Variants in ARHGAP44 observed in about 807,000 individuals in gnomAD.
The protein encoded by ARHGAP44 is Rho GTPase activating protein 44, also known as rho GTPase-activating protein 44.
ARHGAP44 carries 43 observed loss-of-function variants against 106.8 expected under a neutral mutation model. The observed-to-expected ratio is 0.40, with a 90% CI of 0.32 to 0.52. The LOEUF is 0.52. Among genes scored for constraint, ARHGAP44 ranks in the 20% least tolerant of loss-of-function variants. The pLI, the probability that ARHGAP44 is intolerant of heterozygous loss-of-function variation, is 0.48. For missense variants in ARHGAP44, 866 were observed against 1,050.5 expected (o/e 0.82, Z 2.43); for synonymous variants, 439 against 410.3 (o/e 1.07, Z -0.85).
intron 1 of ARHGAP44, among the ~76,000 whole-genome samples, chr17:12,795,186 G>A (rs916473551): frequency 7.9e-5 from 12 of 152,234 alleles, no homozygotes; most frequent in Non-Finnish European, 1.5e-4. Context: ...ATGGGTCTCA[G>A]AGCAAAGTTT....
intron 1 of ARHGAP44, among the ~76,000 whole-genome samples, chr17:12,801,800 G>A (rs1348960201): frequency 1.3e-5 from 2 of 152,032 alleles, no homozygotes; most frequent in African/African-American, 4.8e-5. Context: ...TGTTATCTCT[G>A]GGCAGGATTA....
At chr17:12,791,145 T>C (rs1037246189) in intron 1 of ARHGAP44, among the ~76,000 whole-genome samples, 5 of 152,162 alleles carry the variant, frequency 3.3e-5, no homozygotes, top group African/African-American at 1.2e-4. Context: ...TGGCTTCTTA[T>C]GCTTCCAGGG....
chr17:12,844,328 C>A (rs9911525), intron 1 of ARHGAP44, among the ~76,000 whole-genome samples: 30,386 of 151,994 alleles, frequency 0.2, 4,063 homozygotes, highest in African/African-American at 0.37. Context: ...CATAACATGG[C>A]GGAAGGGGAA....
At chr17:12,795,124 GCA>G (rs1286572871) in intron 1 of ARHGAP44, among the ~76,000 whole-genome samples, 6 of 152,334 alleles carry the variant, frequency 3.9e-5, no homozygotes, top group African/African-American at 1.4e-4. Flanking sequence ...TGTTAGCCCA[GCA>G]GGGCTGGGCG....
chr17:12,864,310 A>G (rs1370838474), intron 1 of ARHGAP44, among the ~76,000 whole-genome samples: 1 of 152,118 alleles, frequency 6.6e-6, no homozygotes, highest in East Asian at 1.9e-4. Flanking sequence ...TTCTTTGGCA[A>G]CTGGTGTGAA....
At position 12,789,731 on chromosome 17, in the gene ARHGAP44, G is replaced by T; in HGVS notation, c.-108G>T. On this transcript the variant is annotated 5_prime_UTR_variant, in exon 1 of 21. Transcript: ENST00000379672. ...CGGCGCCCGGAGGCTCCGCAGTGCC[G>T]CCGCCGTCGCCCGGGAGGCTCCGCG... 9.2e-7 allele frequency: 1 copy of T among 1,090,256 alleles called. No individual in the cohort carries two copies. The highest frequency in any genetic ancestry group is 1.2e-6 in the Non-Finnish European group (1 of 829,908). 67.5% of individuals were successfully genotyped at this position (1,090,256 alleles called of 1,614,324 possible). A position where few individuals can be genotyped will look rare whatever the true frequency, so the allele number is the denominator to read the frequency against.
chr17:12,796,466 A>G (rs1311338135), intron 1 of ARHGAP44, among the ~76,000 whole-genome samples: 2 of 152,176 alleles, frequency 1.3e-5, no homozygotes, highest in Non-Finnish European at 2.9e-5. Context: ...CATACACACT[A>G]CTTTCACTGC....
intron 1 of ARHGAP44, among the ~76,000 whole-genome samples, chr17:12,851,050 C>T (rs776476724): frequency 2.6e-5 from 4 of 152,200 alleles, no homozygotes; most frequent in Admixed American, 1.3e-4. Context: ...CTGTAGAGTC[C>T]GTTTCAGCTT....
At chr17:12,938,393 C>T (rs984609561) in intron 7 of ARHGAP44, among the ~76,000 whole-genome samples, 9 of 151,962 alleles carry the variant, frequency 5.9e-5, no homozygotes, top group African/African-American at 2.2e-4. Context: ...TCTTAAAATA[C>T]ATTATACAGT....
chr17:12,943,881 A>G (rs150398574), intron 9 of ARHGAP44, among the ~76,000 whole-genome samples, 188 bp from the exon 10 acceptor site: 35 of 152,154 alleles, frequency 2.3e-4, no homozygotes, highest in African/African-American at 7.7e-4. Flanking sequence ...CCTGGACGCA[A>G]TTGGCTGGCC....
At chr17:12,837,710 T>TA in intron 1 of ARHGAP44, among the ~76,000 whole-genome samples, 2 of 152,004 alleles carry the variant, frequency 1.3e-5, no homozygotes, top group South Asian at 4.2e-4. Context: ...TTCTGGGAGA[T>TA]ACATGGAGAA....
At chr17:12,818,131 T>G (rs1372087532) in intron 1 of ARHGAP44, among the ~76,000 whole-genome samples, 1 of 151,830 alleles carries the variant, frequency 6.6e-6, no homozygotes, top group Non-Finnish European at 1.5e-5. Context: ...GTAAAAAATA[T>G]AAAACATTAT....
chr17:12,940,902 T>C (rs1360496070), intron 7 of ARHGAP44, among the ~76,000 whole-genome samples, 154 bp from the exon 8 acceptor site: 4 of 152,210 alleles, frequency 2.6e-5, no homozygotes, highest in Non-Finnish European at 5.9e-5. Flanking sequence ...TTGACAAATA[T>C]GCAAATGCCC....
At chr17:12,841,574 C>CATGT (rs2035392612) in intron 1 of ARHGAP44, among the ~76,000 whole-genome samples, 1 of 108,182 alleles carries the variant, frequency 9.2e-6, no homozygotes. Flanking sequence ...AGAGTGAGAC[C>CATGT]CTGTCTCTCT....
At chr17:12,916,127 G>A in intron 5 of ARHGAP44, 116 bp downstream of exon 5, 2 of 817,216 alleles carry the variant, frequency 2.4e-6, no homozygotes. Context: ...CCCCAACATT[G>A]TTTTTCATCA....
chr17:12,932,686 T>C (rs1486959600), intron 7 of ARHGAP44, among the ~76,000 whole-genome samples: 2 of 151,958 alleles, frequency 1.3e-5, no homozygotes, highest in Non-Finnish European at 2.9e-5. Context: ...TTGTATATGA[T>C]GTGAGGTAGG....
chr17:12,812,808 C>G (rs1290694119), intron 1 of ARHGAP44, among the ~76,000 whole-genome samples: 2 of 152,194 alleles, frequency 1.3e-5, no homozygotes, highest in Non-Finnish European at 2.9e-5. Context: ...AATGCATGAG[C>G]TACTTTCAAC....
At chr17:12,892,980 T>C (rs577427785) in intron 1 of ARHGAP44, among the ~76,000 whole-genome samples, 1 of 152,276 alleles carries the variant, frequency 6.6e-6, no homozygotes, top group Admixed American at 6.5e-5. Context: ...TTCTTTCAGT[T>C]TGAGTTTTTT....
chr17:12,823,479 C>CT (rs1963874377), intron 1 of ARHGAP44, among the ~76,000 whole-genome samples: 1 of 152,160 alleles, frequency 6.6e-6, no homozygotes, highest in South Asian at 2.1e-4. Flanking sequence ...ACGATCTTAA[C>CT]TTTTTGCTAA....
Sources: gnomAD v4.1 joint callset for allele counts (sites outside exome capture counted in the v4.1 genomes callset) on GRCh38, gnomAD v4.1.1 for gene constraint, MANE v1.5 for transcripts, NCBI Gene and HGNC (gene_info 2026-07-23, HGNC 2026-07-21) for gene names.